The following PDIA3 variants were observed in gnomAD, a reference collection of about 807,000 sequenced individuals.
PDIA3 encodes protein disulfide isomerase family A member 3.
A neutral mutation model predicts 56.9 loss-of-function variants in PDIA3; 16 were observed. The observed-to-expected ratio is 0.28, with a 90% CI of 0.19 to 0.43. The LOEUF (loss-of-function observed/expected upper bound fraction) is 0.43. Ranked by LOEUF, PDIA3 falls within the 20% of genes least tolerant of loss-of-function variation. The pLI, the probability that PDIA3 is intolerant of heterozygous loss-of-function variation, is 1.00. For synonymous variants in PDIA3, 192 were observed against 216.5 expected, an observed-to-expected ratio of 0.89 and a Z score of 0.99; for missense variants, 485 against 621.3, an observed-to-expected ratio of 0.78 and a Z score of 2.33.
intron 5 of PDIA3, among the ~76,000 whole-genome samples, chr15:43,765,155 C>T (rs1304280236): frequency 3.3e-5 from 5 of 152,082 alleles, no homozygotes; most frequent in Admixed American, 1.3e-4. Flanking sequence ...ATGGGAGGAT[C>T]GCTTGAGCCT....
In PDIA3 at chr15:43,771,389, T is replaced by C. The variant is rs1158929554; in HGVS notation, c.*171T>C. On this transcript the variant is annotated 3_prime_UTR_variant, in exon 13 of 13. Coordinates refer to ENST00000300289, the MANE Select transcript of PDIA3 (RefSeq NM_005313.5). Reference sequence around the variant, plus strand: ...TCTAAACTGTTTCTTAGCTGCACTGTTTATGGAAATACCAGGACCAGTTTA... The same window carrying C: ...TCTAAACTGTTTCTTAGCTGCACTGCTTATGGAAATACCAGGACCAGTTTA... The C allele has an allele frequency of 1.1e-5, 5 of 452,476 alleles. No homozygotes were observed. In the East Asian group the frequency reaches 1.7e-4, roughly 15 times the overall value. 28.0% of individuals were successfully genotyped at this position (452,476 alleles called of 1,614,324 possible).
intron 1 of PDIA3, 158 bp downstream of exon 1, chr15:43,746,864 C>T (rs2086709976): frequency 1.2e-6 from 1 of 818,816 alleles, no homozygotes; most frequent in South Asian, 1.7e-5. Context: ...GGAGGCGCCT[C>T]GCCGAGAGCG....
Position 43,773,268 on chromosome 15 carries a change from A to G in PDIA3, c.*2050A>G, listed in dbSNP as rs764602707. On this transcript the variant is annotated 3_prime_UTR_variant, in exon 13 of 13. Coordinates refer to ENST00000300289, the MANE Select transcript of PDIA3 (RefSeq NM_005313.5). The stretch of plus-strand genomic sequence containing the variant: ...TCCATGTCAAAAAGTAAAAATTCTC[A>G]TTCTACCTTGCTTCCGTTCCCAGAC... The G allele has an allele frequency of 1.2e-5, 19 of 1,611,712 alleles. No homozygotes were observed. The highest frequency in any genetic ancestry group is 8.5e-7 in the Non-Finnish European group (1 of 1,178,070).
At chr15:43,762,610 C>A (rs1473158749) in intron 4 of PDIA3, among the ~76,000 whole-genome samples, 1 of 150,972 alleles carries the variant, frequency 6.6e-6, no homozygotes, top group Non-Finnish European at 1.5e-5. Flanking sequence ...TTTACTGATT[C>A]TTTATATTTT....
At position 43,772,977 on chromosome 15, in the gene PDIA3, C is replaced by G. The variant is rs766926600; in HGVS notation, c.*1759C>G. 4 of 780,064 alleles carry G rather than the reference C, an allele frequency of 5.1e-6. No individual in the cohort carries two copies. The highest frequency in any genetic ancestry group is 8.2e-6 in the Non-Finnish European group (4 of 485,492). The allele number at this position is 780,064 out of a possible 1,614,324, so 48.3% of individuals were successfully genotyped here. A position where few individuals can be genotyped will look rare whatever the true frequency, so the allele number is the denominator to read the frequency against. On this transcript the variant is annotated 3_prime_UTR_variant, in exon 13 of 13. Coordinates refer to ENST00000300289, the MANE Select transcript of PDIA3 (RefSeq NM_005313.5). ...ATAATGAAAACCAAACCTCAAGAACCTAGAGCAGCTCTCTACTTGCCACCA... is the reference window on the plus strand; with the variant it reads ...ATAATGAAAACCAAACCTCAAGAACGTAGAGCAGCTCTCTACTTGCCACCA...
chr15:43,764,286 T>C (rs752473958), intron 5 of PDIA3, among the ~76,000 whole-genome samples: 61 of 152,302 alleles, frequency 4.0e-4, no homozygotes, highest in Middle Eastern at 6.8e-3. Flanking sequence ...GTGCAAGGCA[T>C]TCTAAGGATT....
intron 1 of PDIA3, among the ~76,000 whole-genome samples, chr15:43,749,069 C>A (rs1274402833): frequency 2.6e-5 from 4 of 151,722 alleles, no homozygotes; most frequent in Non-Finnish European, 5.9e-5. Flanking sequence ...CTGCACCCAG[C>A]CTGTTTTTTT....
At chr15:43,758,238 A>C (rs761510193) in intron 3 of PDIA3, among the ~76,000 whole-genome samples, 1 of 152,198 alleles carries the variant, frequency 6.6e-6, no homozygotes, top group Non-Finnish European at 1.5e-5. Flanking sequence ...ACTCCGTCTC[A>C]AAACAACAAC....
intron 4 of PDIA3, among the ~76,000 whole-genome samples, chr15:43,762,244 G>C (rs1254746824): frequency 6.6e-6 from 1 of 152,136 alleles, no homozygotes; most frequent in African/African-American, 2.4e-5. Context: ...TGGCTCAGTG[G>C]CTCACGCCTG....
chr15:43,750,264 C>T (rs539250274), intron 1 of PDIA3, among the ~76,000 whole-genome samples: 2 of 148,874 alleles, frequency 1.3e-5, no homozygotes, highest in Non-Finnish European at 3.0e-5. Context: ...GAATCACCTG[C>T]GTTGGACTCC....
rs545045874 is a variant in PDIA3 at position 43,748,405 on chromosome 15, G to C, written c.167+1699G>C. ...AGGCAGGAGAATAGCTTGAACCCAG[G>C]AAGCAGAGGCTGCAGTGAGCCACGA... On this transcript the variant is annotated intron_variant, in intron 1 of 12. Transcript: ENST00000300289. Among the ~76,000 whole-genome samples, 5 of 152,194 alleles carry C rather than the reference G, an allele frequency of 3.3e-5. 1 individual carries two copies. The highest frequency in any genetic ancestry group is 1.2e-4 in the African/African-American group (5 of 41,522).
At chr15:43,765,863 T>G (rs1165353380) in intron 6 of PDIA3, 24 bp from the exon 7 acceptor site, 1 of 1,596,046 alleles carries the variant, frequency 6.3e-7, no homozygotes, top group Non-Finnish European at 8.5e-7. Context: ...GCAAGCCAGT[T>G]GATAATGGAT....
intron 3 of PDIA3, among the ~76,000 whole-genome samples, chr15:43,757,039 T>C (rs963027743): frequency 6.6e-6 from 1 of 152,230 alleles, no homozygotes; most frequent in African/African-American, 2.4e-5. Context: ...ATATTCTAAA[T>C]ATACTAGGTC....
At chr15:43,766,582 G>C in intron 7 of PDIA3, 146 bp from the exon 8 acceptor site, 1 of 652,214 alleles carries the variant, frequency 1.5e-6, no homozygotes, top group Middle Eastern at 4.1e-4. Context: ...CTGTGTCAGT[G>C]CCCAAGAGCT....
intron 1 of PDIA3, among the ~76,000 whole-genome samples, chr15:43,747,642 A>C (rs924796753): frequency 2.0e-5 from 3 of 151,812 alleles, no homozygotes; most frequent in African/African-American, 7.3e-5. Context: ...TATCCTGGGG[A>C]TAGCTCTCTA....
rs1471114846 is a variant in PDIA3, at chr15:43,746,700, C to T, written c.161C>T (p.Ala54Val). ...SAGLMLVEFF[A>V]PWCGHCKRLA... Reference sequence around the variant, plus strand: ...GGCCTCATGCTCGTCGAGTTCTTCGCCCCCTGGTGAGTCCATTCTGCCGAG... The same window carrying T: ...GGCCTCATGCTCGTCGAGTTCTTCGTCCCCTGGTGAGTCCATTCTGCCGAG... Residue 54 changes from alanine (A) to valine (V), a missense_variant, in exon 1 of 13, where the codon GCC (alanine) becomes GTC (valine). Coordinates refer to ENST00000300289, the MANE Select transcript of PDIA3 (RefSeq NM_005313.5). 6.2e-7 allele frequency: 1 copy of T among 1,612,866 alleles called. No homozygotes were observed. Among genetic ancestry groups the T allele is most frequent in the South Asian group, 1.1e-5 (1 of 91,078 alleles).
chr15:43,750,887 C>T (rs2086739398), intron 1 of PDIA3, among the ~76,000 whole-genome samples: 1 of 152,080 alleles, frequency 6.6e-6, no homozygotes, highest in Admixed American at 6.6e-5. Flanking sequence ...AATCCCAGCA[C>T]TTTGGGAGGC....
Position 43,753,804 on chromosome 15 carries a change from C to CT in PDIA3, c.168-14dup. 6.4e-7 allele frequency: 1 copy of CT among 1,571,716 alleles called. No individual in the cohort carries two copies. The highest frequency in any genetic ancestry group is 8.7e-7 in the Non-Finnish European group (1 of 1,143,004). ...TCATAGGACTAAACTGAGAATTTGG[C>CT]TTTTTTAATACGTATATAGGTGTGG... On this transcript the variant is annotated intron_variant, in intron 1 of 12. Transcript: ENST00000300289.
intron 11 of PDIA3, 45 bp downstream of exon 11, chr15:43,770,374 G>A: frequency 1.3e-6 from 2 of 1,515,146 alleles, no homozygotes; most frequent in Non-Finnish European, 9.2e-7. Context: ...CAATAGATAG[G>A]AATAAAGCTT....
Sources: allele counts gnomAD v4.1 joint callset (sites outside exome capture counted in the v4.1 genomes callset), GRCh38; gene constraint gnomAD v4.1.1; transcripts MANE v1.5; gene names NCBI Gene and HGNC (gene_info 2026-07-23, HGNC 2026-07-21).